The following TMEM117 variants were observed in gnomAD, a reference collection of about 807,000 sequenced individuals.
TMEM117 encodes transmembrane protein 117.
Under a neutral mutation model 52.4 loss-of-function variants are expected in TMEM117, and 27 were observed. The observed-to-expected ratio is 0.51, with a 90% confidence interval of 0.38 to 0.71. TMEM117 has a LOEUF of 0.71. TMEM117 is among the 30% of genes least tolerant of loss of function. The pLI, the probability that TMEM117 is intolerant of heterozygous loss-of-function variation, is 0.00. For missense variants in TMEM117, 556 were observed against 630.5 expected (o/e 0.88, Z 1.26); for synonymous variants, 215 against 206.3 (o/e 1.04, Z -0.36).
At chr12:44,041,264 G>A (rs572809126) in intron 3 of TMEM117, among the ~76,000 whole-genome samples, 2 of 115,282 alleles carry the variant, frequency 1.7e-5, no homozygotes, top group South Asian at 5.8e-4. Flanking sequence ...CCCACAACAG[G>A]CCCCAGTGTG....
At chr12:43,831,451 C>CT (rs11402665), upstream of TMEM117, among the ~76,000 whole-genome samples, 1,349 of 134,180 alleles carry the variant, frequency 0.01, 26 homozygotes, top group African/African-American at 0.032. Context: ...TTGTCTTTTT[C>CT]TTTTTTTTTT....
intron 5 of TMEM117, among the ~76,000 whole-genome samples, chr12:44,272,471 T>A (rs993189311): frequency 6.6e-6 from 1 of 152,016 alleles, no homozygotes; most frequent in African/African-American, 2.4e-5. Flanking sequence ...TGCAATCTAC[T>A]CATCTGACAA....
chr12:44,218,401 A>G (rs1357322646), intron 5 of TMEM117, among the ~76,000 whole-genome samples: 1 of 152,192 alleles, frequency 6.6e-6, no homozygotes, highest in Non-Finnish European at 1.5e-5. Context: ...AGTTATCCCA[A>G]TAGTACAGAA....
intron 2 of TMEM117, among the ~76,000 whole-genome samples, chr12:43,882,937 G>A (rs897703988): frequency 6.6e-6 from 1 of 152,098 alleles, no homozygotes; most frequent in African/African-American, 2.4e-5. Flanking sequence ...TCAGTTCTGG[G>A]ACTTATTTTT....
intron 3 of TMEM117, among the ~76,000 whole-genome samples, chr12:44,080,275 T>C (rs966609826): frequency 6.6e-6 from 1 of 151,988 alleles, no homozygotes; most frequent in African/African-American, 2.4e-5. Context: ...ACAATCATGG[T>C]GGAAGGGGAA....
At chr12:44,290,339 G>T (rs1297717098) in intron 5 of TMEM117, among the ~76,000 whole-genome samples, 1 of 152,062 alleles carries the variant, frequency 6.6e-6, no homozygotes, top group East Asian at 1.9e-4. Flanking sequence ...TCTTATAAGA[G>T]TTTTATGATT....
intron 2 of TMEM117, among the ~76,000 whole-genome samples, chr12:43,907,380 A>G (rs1944411405): frequency 6.6e-6 from 1 of 151,012 alleles, no homozygotes; most frequent in African/African-American, 2.4e-5. Context: ...AGTAGATAAA[A>G]CCACAAAGAT....
At chr12:43,859,224 T>TG (rs1402462736) in intron 2 of TMEM117, among the ~76,000 whole-genome samples, 26 of 152,180 alleles carry the variant, frequency 1.7e-4, no homozygotes, top group Admixed American at 1.3e-4. Context: ...GGAATTCTGT[T>TG]GGAGGGAGGA....
chr12:44,107,425 T>C (rs1947976503), intron 3 of TMEM117, among the ~76,000 whole-genome samples: 1 of 152,068 alleles, frequency 6.6e-6, no homozygotes, highest in Non-Finnish European at 1.5e-5. Context: ...AGAAGAGAAA[T>C]AAAAATTCAC....
At chr12:44,226,163 CT>C (rs1400639691) in intron 5 of TMEM117, among the ~76,000 whole-genome samples, 1 of 152,168 alleles carries the variant, frequency 6.6e-6, no homozygotes, top group Non-Finnish European at 1.5e-5. Flanking sequence ...ACCATGATTT[CT>C]TAGAGAACCA....
intron 2 of TMEM117, among the ~76,000 whole-genome samples, chr12:43,869,022 C>T (rs1186644242): frequency 6.6e-6 from 1 of 152,018 alleles, no homozygotes; most frequent in Non-Finnish European, 1.5e-5. Context: ...AATTTCATTA[C>T]AGATCTAAAG....
chr12:44,217,440 A>G (rs1056795808), intron 5 of TMEM117, among the ~76,000 whole-genome samples: 4 of 152,206 alleles, frequency 2.6e-5, no homozygotes, highest in African/African-American at 9.6e-5. Context: ...TGCTGGTTAC[A>G]TAGTGCCAGC....
At chr12:43,819,681 C>T in the TMEM117 span, among the ~76,000 whole-genome samples, 1 of 152,022 alleles carries the variant, frequency 6.6e-6, no homozygotes, top group Admixed American at 6.5e-5. Flanking sequence ...GAGCCTGAGG[C>T]AGGAGAATCG....
At chr12:44,094,410 T>C (rs887920981) in intron 3 of TMEM117, among the ~76,000 whole-genome samples, 1 of 152,122 alleles carries the variant, frequency 6.6e-6, no homozygotes, top group East Asian at 1.9e-4. Flanking sequence ...TTTGACACTT[T>C]ACCCAGGAGC....
chr12:43,848,861 C>G (rs113959536), intron 2 of TMEM117, among the ~76,000 whole-genome samples: 1 of 152,150 alleles, frequency 6.6e-6, no homozygotes, highest in African/African-American at 2.4e-5. Flanking sequence ...TCCCTCTGTT[C>G]GGAGTCCCTG....
At chr12:44,366,612 G>T (rs112066988) in intron 6 of TMEM117, among the ~76,000 whole-genome samples, 2,881 of 152,158 alleles carry the variant, frequency 0.019, 33 homozygotes, top group Non-Finnish European at 0.026. Flanking sequence ...CCTCATTGAA[G>T]AAAGGCATGG....
chr12:43,997,944 C>T (rs993854903), intron 3 of TMEM117, among the ~76,000 whole-genome samples: 7 of 152,180 alleles, frequency 4.6e-5, no homozygotes, highest in Non-Finnish European at 1.0e-4. Context: ...TGCATGCACT[C>T]ATGCTAATAT....
chr12:44,375,036 T>G (rs1317726762), intron 6 of TMEM117, among the ~76,000 whole-genome samples: 2 of 152,078 alleles, frequency 1.3e-5, no homozygotes, highest in Non-Finnish European at 2.9e-5. Context: ...TTATTATTAT[T>G]ATTGCAAACG....
intron 2 of TMEM117, among the ~76,000 whole-genome samples, chr12:43,886,300 A>C (rs1943993021): frequency 6.6e-6 from 1 of 152,188 alleles, no homozygotes; most frequent in Non-Finnish European, 1.5e-5. Context: ...GAGATGGAGG[A>C]AATATCTAAG....
Sources: gnomAD v4.1 joint callset for allele counts (sites outside exome capture counted in the v4.1 genomes callset) on GRCh38, gnomAD v4.1.1 for gene constraint, MANE v1.5 for transcripts, NCBI Gene and HGNC (gene_info 2026-07-23, HGNC 2026-07-21) for gene names.